The following BNC2 variants were observed in gnomAD, a reference collection of about 807,000 sequenced individuals.
BNC2 encodes the protein zinc finger protein basonuclin-2.
In BNC2, 20 loss-of-function variants were observed where a neutral mutation model predicts 76.3. The ratio of observed to expected loss-of-function variants is 0.26; its 90% CI spans 0.18 to 0.38. BNC2 has a LOEUF of 0.38. Among genes scored for constraint, BNC2 ranks in the 10% least tolerant of loss-of-function variants. BNC2 has a pLI of 1.00. For missense variants in BNC2, 1,382 were observed against 1,399.8 expected, an observed-to-expected ratio of 0.99 and a Z score of 0.20; for synonymous variants, 582 against 514.8, an observed-to-expected ratio of 1.13 and a Z score of -1.77.
intron 1 of BNC2, among the ~76,000 whole-genome samples, chr9:16,770,232 C>T (rs1825798950): frequency 6.6e-6 from 1 of 152,100 alleles, no homozygotes; most frequent in Non-Finnish European, 1.5e-5. Context: ...GGATGCTCAT[C>T]CACTGCCACC....
At chr9:16,786,527 C>T (rs915883182) in intron 1 of BNC2, among the ~76,000 whole-genome samples, 5 of 152,082 alleles carry the variant, frequency 3.3e-5, no homozygotes, top group African/African-American at 1.2e-4. Flanking sequence ...TACTTTATCC[C>T]CCAAACTGTG....
intron 5 of BNC2, among the ~76,000 whole-genome samples, chr9:16,514,985 A>C (rs924576679): frequency 1.3e-5 from 2 of 152,186 alleles, no homozygotes; most frequent in African/African-American, 2.4e-5. Flanking sequence ...GGAACCAGCA[A>C]AACTGTCTGG....
chr9:16,784,039 G>A (rs1017406066), intron 1 of BNC2, among the ~76,000 whole-genome samples: 1 of 152,100 alleles, frequency 6.6e-6, no homozygotes, highest in African/African-American at 2.4e-5. Context: ...TGGGAAAAAG[G>A]CAAAATTTCT....
At chr9:16,807,528 T>C (rs1817943181) in intron 1 of BNC2, among the ~76,000 whole-genome samples, 1 of 151,832 alleles carries the variant, frequency 6.6e-6, no homozygotes. Context: ...TACAGCAAAA[T>C]GAAGAAAGAA....
chr9:16,433,606 A>G (rs961543519), intron 6 of BNC2, among the ~76,000 whole-genome samples: 4 of 152,240 alleles, frequency 2.6e-5, no homozygotes, highest in African/African-American at 9.6e-5. Flanking sequence ...ATAAACCAAC[A>G]AGCAGTACCT....
At chr9:16,848,322 G>A (rs991657952) in intron 1 of BNC2, among the ~76,000 whole-genome samples, 1 of 152,262 alleles carries the variant, frequency 6.6e-6, no homozygotes, top group African/African-American at 2.4e-5. Context: ...TGAAGAGGAG[G>A]TATTGTGAAT....
intron 5 of BNC2, among the ~76,000 whole-genome samples, chr9:16,453,253 G>C (rs1821379597): frequency 6.6e-6 from 1 of 152,104 alleles, no homozygotes; most frequent in African/African-American, 2.4e-5. Context: ...TGGGAAAACT[G>C]AGGTGCGTCA....
chr9:16,469,197 A>C (rs200051094), intron 5 of BNC2, among the ~76,000 whole-genome samples: 23 of 76,536 alleles, frequency 3.0e-4, no homozygotes, highest in Non-Finnish European at 3.9e-4. Context: ...AGAAAAAGTG[A>C]ACATGCTCTC....
chr9:16,571,320 T>C (rs768452281), intron 4 of BNC2, among the ~76,000 whole-genome samples: 11 of 152,174 alleles, frequency 7.2e-5, no homozygotes, highest in Non-Finnish European at 1.3e-4. Context: ...ATGTCTCACA[T>C]TGTAGCAAGA....
At chr9:16,520,905 T>G (rs1817596538) in intron 5 of BNC2, among the ~76,000 whole-genome samples, 1 of 152,188 alleles carries the variant, frequency 6.6e-6, no homozygotes, top group African/African-American at 2.4e-5. Flanking sequence ...TCCAAGGCAA[T>G]TTTGAAGAAT....
chr9:16,468,861 ACC>A (rs1384862915), intron 5 of BNC2, among the ~76,000 whole-genome samples: 2 of 152,184 alleles, frequency 1.3e-5, no homozygotes, highest in African/African-American at 4.8e-5. Context: ...ATACTCATAT[ACC>A]TCTAGTTGTC....
intron 1 of BNC2, among the ~76,000 whole-genome samples, chr9:16,857,762 T>C (rs1260298205): frequency 6.6e-6 from 1 of 152,172 alleles, no homozygotes; most frequent in Non-Finnish European, 1.5e-5. Flanking sequence ...GACAATGCAG[T>C]GAAGAATGGT....
chr9:16,728,542 T>A (rs1221968452), intron 2 of BNC2, among the ~76,000 whole-genome samples: 4 of 151,404 alleles, frequency 2.6e-5, no homozygotes, highest in African/African-American at 9.8e-5. Flanking sequence ...ATACTTAAAT[T>A]TTTTTTTAAT....
chr9:16,443,590 C>T (rs1213179789), intron 5 of BNC2, among the ~76,000 whole-genome samples: 3 of 147,926 alleles, frequency 2.0e-5, no homozygotes, highest in Non-Finnish European at 4.4e-5. Flanking sequence ...TAAATTTTAC[C>T]AGGTTTTCTA....
At chr9:16,610,427 G>T (rs548094533) in intron 3 of BNC2, among the ~76,000 whole-genome samples, 1 of 152,224 alleles carries the variant, frequency 6.6e-6, no homozygotes, top group African/African-American at 2.4e-5. Flanking sequence ...TGTATGACAA[G>T]AAAGCAGACT....
At chr9:16,656,511 A>C (rs1353050832) in intron 3 of BNC2, among the ~76,000 whole-genome samples, 12 of 152,196 alleles carry the variant, frequency 7.9e-5, no homozygotes, top group African/African-American at 2.9e-4. Context: ...AGATTTGCTG[A>C]GGTATAACTG....
At chr9:16,446,180 T>C (rs186032271) in intron 5 of BNC2, among the ~76,000 whole-genome samples, 2 of 152,288 alleles carry the variant, frequency 1.3e-5, no homozygotes, top group East Asian at 3.9e-4. Flanking sequence ...ACTACTGACC[T>C]TGGCTCACTC....
chr9:16,728,096 G>T, intron 2 of BNC2, 99 bp from the exon 3 acceptor site: 1 of 901,244 alleles, frequency 1.1e-6, no homozygotes, highest in South Asian at 1.3e-5. Context: ...CATTTGGGAA[G>T]GGGGAGATTT....
intron 3 of BNC2, among the ~76,000 whole-genome samples, chr9:16,721,881 AC>A (rs770382802): frequency 6.6e-6 from 1 of 151,996 alleles, no homozygotes; most frequent in Non-Finnish European, 1.5e-5. Flanking sequence ...CAAGCTAAAA[AC>A]AAATTCCAAT....
Sources: allele counts gnomAD v4.1 joint callset (sites outside exome capture counted in the v4.1 genomes callset), GRCh38; gene constraint gnomAD v4.1.1; transcripts MANE v1.5; gene names NCBI Gene and HGNC (gene_info 2026-07-23, HGNC 2026-07-21).